Variants in TIMD4 observed in about 807,000 individuals in gnomAD.
The protein encoded by TIMD4 is T-cell immunoglobulin and mucin domain-containing protein 4.
In TIMD4, 31 loss-of-function variants were observed where a neutral mutation model predicts 41.2. That is an observed-to-expected ratio of 0.75 (90% CI 0.57 to 1.01). The LOEUF (loss-of-function observed/expected upper bound fraction) is 1.01, where lower values mean the gene tolerates loss of function less well. Among genes scored for constraint, TIMD4 ranks in the 50% least tolerant of loss-of-function variants. The pLI, the probability that TIMD4 is intolerant of heterozygous loss-of-function variation, is 0.00. For missense variants in TIMD4, 479 were observed against 472.5 expected, an observed-to-expected ratio of 1.01 and a Z score of -0.13; for synonymous variants, 204 against 177.1, an observed-to-expected ratio of 1.15 and a Z score of -1.21.
At chr5:156,948,359 A>T in intron 5 of TIMD4, 57 bp downstream of exon 5, 1 of 1,037,240 alleles carries the variant, frequency 9.6e-7, no homozygotes, top group Non-Finnish European at 1.2e-6. Context: ...GTCTAAAAAA[A>T]ATAATAATAA....
At chr5:156,949,578 C>T in intron 4 of TIMD4, 73 bp downstream of exon 4, 1 of 1,311,802 alleles carries the variant, frequency 7.6e-7, no homozygotes, top group East Asian at 2.4e-5. Flanking sequence ...TCTGATTCAG[C>T]AAGACTTTTA....
intron 5 of TIMD4, among the ~76,000 whole-genome samples, chr5:156,936,036 C>T (rs1291392727): frequency 6.6e-6 from 1 of 152,070 alleles, no homozygotes; most frequent in East Asian, 1.9e-4. Context: ...CGCAGGAGTT[C>T]AAGACCAGCC....
chr5:156,953,355 C>A (rs1190230949), intron 2 of TIMD4, among the ~76,000 whole-genome samples: 1 of 151,950 alleles, frequency 6.6e-6, no homozygotes, highest in Non-Finnish European at 1.5e-5. Context: ...TTAGAGTCAC[C>A]TGAAAACTTG....
chr5:156,944,493 ATCT>A, intron 5 of TIMD4, among the ~76,000 whole-genome samples: 1 of 115,476 alleles, frequency 8.7e-6, no homozygotes, highest in Non-Finnish European at 1.7e-5. Flanking sequence ...CAGCTGTGTG[ATCT>A]TTTTTTTTTT....
At chr5:156,948,590 G>C in intron 4 of TIMD4, 91 bp from the exon 5 acceptor site, 1 of 730,620 alleles carries the variant, frequency 1.4e-6, no homozygotes, top group South Asian at 4.4e-5. Flanking sequence ...ACTGACTTCT[G>C]TCATTGAAAA....
intron 5 of TIMD4, among the ~76,000 whole-genome samples, chr5:156,939,479 T>C (rs1020181652): frequency 6.6e-6 from 1 of 152,198 alleles, no homozygotes; most frequent in Non-Finnish European, 1.5e-5. Context: ...TTAGCACTTA[T>C]AATGTGAATC....
intron 5 of TIMD4, among the ~76,000 whole-genome samples, chr5:156,934,000 G>A (rs921040854): frequency 4.6e-5 from 7 of 152,270 alleles, no homozygotes; most frequent in African/African-American, 1.7e-4. Flanking sequence ...TTTCAACATG[G>A]CTATGCTTAC....
chr5:156,920,460 T>C lies in TIMD4; in HGVS notation c.1052+4A>G, dbSNP rs1443537842. 1 of 1,613,952 alleles carries C rather than the reference T, an allele frequency of 6.2e-7. No individual in the cohort carries two copies. Among genetic ancestry groups the C allele is most frequent in the Admixed American group, 1.7e-5 (1 of 59,990 alleles). ...ACAACACCCATTCATGCAAGATAGA[T>C]TACCTTGTGTGTTTCTGCGAACAAT... On this transcript the variant is annotated splice_donor_region_variant and intron_variant, in intron 8 of 8. Transcript: ENST00000274532.
At chr5:156,922,312 C>T (rs1005110343) in intron 6 of TIMD4, 96 bp from the exon 7 acceptor site, 3 of 947,984 alleles carry the variant, frequency 3.2e-6, no homozygotes, top group East Asian at 2.4e-5. Context: ...CAACCACCAG[C>T]AGTTTCACTA....
At chr5:156,945,980 A>G (rs1759731492) in intron 5 of TIMD4, among the ~76,000 whole-genome samples, 1 of 152,222 alleles carries the variant, frequency 6.6e-6, no homozygotes, top group Non-Finnish European at 1.5e-5. Flanking sequence ...AATGTTCCAT[A>G]GAGACTGACT....
At chr5:156,935,763 A>C (rs1270971098) in intron 5 of TIMD4, 1 of 152,266 alleles carries the variant, frequency 6.6e-6, no homozygotes, top group African/African-American at 2.4e-5. Context: ...ACACCCTAGC[A>C]ACAAAATCTC....
In TIMD4 at chr5:156,956,109, C is replaced by T. The variant is rs368227229; in HGVS notation, c.59-1353G>A. On this transcript the variant is annotated intron_variant, in intron 1 of 8. Transcript: ENST00000274532. ...TAACTGAAACTTTGTACCTTTTAATCAACATCTCCCCTTTCACTATCCCAC... is the reference window on the plus strand; with the variant it reads ...TAACTGAAACTTTGTACCTTTTAATTAACATCTCCCCTTTCACTATCCCAC... Among the ~76,000 whole-genome samples, 30 of 152,302 alleles carry T rather than the reference C, an allele frequency of 2.0e-4. No individual in the cohort carries two copies. In the South Asian group the frequency reaches 5.8e-3, roughly 29 times the overall value.
intron 5 of TIMD4, among the ~76,000 whole-genome samples, chr5:156,940,668 G>T (rs940999572): frequency 6.7e-6 from 1 of 149,834 alleles, no homozygotes; most frequent in South Asian, 2.1e-4. Flanking sequence ...GGTGAGGAGC[G>T]CCTCTGCCCG....
At chr5:156,951,368 GTGTT>G (rs1027108121) in intron 3 of TIMD4, 140 bp downstream of exon 3, 12 of 1,009,810 alleles carry the variant, frequency 1.2e-5, no homozygotes, top group African/African-American at 9.7e-5. Context: ...CCAGTCTGCG[GTGTT>G]TGTTTGATAG....
At chr5:156,948,635 T>G (rs1468293599) in intron 4 of TIMD4, 136 bp from the exon 5 acceptor site, 2 of 399,266 alleles carry the variant, frequency 5.0e-6, no homozygotes, top group Non-Finnish European at 8.6e-6. Flanking sequence ...TGCCAGACAC[T>G]GTCTTAAGTG....
chr5:156,958,772 A>G lies in TIMD4; in HGVS notation c.59-4016T>C, dbSNP rs145936259. ...CAAATGTTTATTGCAGCCTCCATGTATATGTGAATGAAATGGACAATGTAT... is the reference window on the plus strand; with the variant it reads ...CAAATGTTTATTGCAGCCTCCATGTGTATGTGAATGAAATGGACAATGTAT... On this transcript the variant is annotated intron_variant, in intron 1 of 8. Transcript: ENST00000274532. 6.4e-3 allele frequency among the ~76,000 whole-genome samples: 975 copies of G among 152,310 alleles called. 4 individuals carry two copies. The highest frequency in any genetic ancestry group is 0.01 in the Non-Finnish European group (700 of 68,016).
chr5:156,948,363 AT>A, intron 5 of TIMD4, 52 bp downstream of exon 5: 4 of 1,064,094 alleles, frequency 3.8e-6, no homozygotes, highest in East Asian at 3.5e-5. Flanking sequence ...AAAAAAAATA[AT>A]AATAATAATT....
intron 6 of TIMD4, chr5:156,924,170 ACCTTCAAAG>A (rs894300538): frequency 1.8e-4 from 79 of 437,382 alleles, no homozygotes; most frequent in African/African-American, 1.5e-3. Flanking sequence ...GAGCCTACTC[ACCTTCAAAG>A]TCTATGCAGC....
Position 156,954,709 on chromosome 5 carries a change from C to T in TIMD4, c.106G>A (p.Val36Met), listed in dbSNP as rs745745551. The change falls in exon 2 of 9, where the codon GTG becomes ATG. Residue 36 changes from valine to methionine, a missense_variant. Physicochemically the swap from Val to Met is conservative, Grantham distance 21. Coordinates refer to ENST00000274532, the MANE Select transcript of TIMD4 (RefSeq NM_138379.3). ...TVVTEVLGHRVTLPCLYSSWS... is the reference protein window; with the variant it reads ...TVVTEVLGHRMTLPCLYSSWS... ...GATGAGTACAGACAGGGCAAAGTCACCCGGTGACCCAAAACCTCCGTCACA... is the reference window on the plus strand; with the variant it reads ...GATGAGTACAGACAGGGCAAAGTCATCCGGTGACCCAAAACCTCCGTCACA... The T allele has an allele frequency of 2.8e-5, 45 of 1,613,754 alleles. No individual in the cohort carries two copies. Among genetic ancestry groups the T allele is most frequent in the Middle Eastern group, 3.3e-4 (2 of 6,084 alleles).
Sources: gnomAD v4.1 joint callset for allele counts (sites outside exome capture counted in the v4.1 genomes callset) on GRCh38, gnomAD v4.1.1 for gene constraint, MANE v1.5 for transcripts, NCBI Gene and HGNC (gene_info 2026-07-23, HGNC 2026-07-21) for gene names.